AASS: variants seen among roughly 807,000 people sequenced by gnomAD.
AASS encodes aminoadipate-semialdehyde synthase.
In AASS, 86 loss-of-function variants were observed where a neutral mutation model predicts 105.4. That is an observed-to-expected ratio of 0.82 (90% CI 0.69 to 0.98). AASS has a LOEUF of 0.98. Among genes scored for constraint, AASS ranks in the 50% least tolerant of loss-of-function variants. The pLI is 0.00. For synonymous variants in AASS, 381 were observed against 394.8 expected (o/e 0.96, Z 0.41); for missense variants, 1,048 against 1,143.2 (o/e 0.92, Z 1.20).
chr7:122,098,370 G>A (rs985599813), intron 15 of AASS, 80 bp downstream of exon 15: 14 of 1,532,048 alleles, frequency 9.1e-6, no homozygotes, highest in Non-Finnish European at 1.3e-5. Flanking sequence ...AGTATGAAGA[G>A]AGGAGAAGTG....
At chr7:122,127,023 G>A (rs1795687126) in intron 3 of AASS, among the ~76,000 whole-genome samples, 1 of 152,082 alleles carries the variant, frequency 6.6e-6, no homozygotes, top group African/African-American at 2.4e-5. Flanking sequence ...TCTCTCTCAA[G>A]TCCAAGCACA....
intron 1 of AASS, among the ~76,000 whole-genome samples, chr7:122,141,741 T>C (rs142986098): frequency 3.8e-4 from 56 of 148,948 alleles, no homozygotes; most frequent in South Asian, 1.1e-3. Flanking sequence ...TATAGTACAG[T>C]ATAGTGGGAA....
At chr7:122,088,936 T>A (rs1793764426) in intron 18 of AASS, among the ~76,000 whole-genome samples, 1 of 152,006 alleles carries the variant, frequency 6.6e-6, no homozygotes, top group Non-Finnish European at 1.5e-5. Flanking sequence ...TTGTTAGGAA[T>A]CAAATTAGAA....
chr7:122,091,901 T>A (rs1401272691), intron 17 of AASS, 58 bp from the exon 18 acceptor site: 3 of 1,257,594 alleles, frequency 2.4e-6, no homozygotes, highest in Non-Finnish European at 3.4e-6. Context: ...AATGTCTAAG[T>A]AATTAATTGA....
At chr7:122,120,864 T>C (rs1584880294) in intron 4 of AASS, among the ~76,000 whole-genome samples, 1 of 152,044 alleles carries the variant, frequency 6.6e-6, no homozygotes, top group Non-Finnish European at 1.5e-5. Flanking sequence ...TTTCCAAATA[T>C]CTTTCTATAA....
Position 122,076,544 on chromosome 7 carries a change from T to C in AASS, c.2726A>G (p.Glu909Gly). The C allele has an allele frequency of 1.2e-6, 2 of 1,613,954 alleles. No individual in the cohort carries two copies. Among genetic ancestry groups the C allele is most frequent in the Non-Finnish European group, 1.7e-6 (2 of 1,179,830 alleles). ...TATAATGCCTTCTGCTTTAATTCGC[T>C]CCAATATTGGTCCATAGATCTCCTT... ...FSKEIYGPIL[E>G]RIKAEGIIYT... Residue 909 changes from glutamate (E) to glycine (G), a missense_variant, in exon 24 of 24, where the codon GAG becomes GGG. By Grantham distance (98) the Glu-to-Gly change is moderately conservative. Transcript: ENST00000417368.
Position 122,113,632 on chromosome 7 carries a change from T to C in AASS, c.1132A>G (p.Met378Val), listed in dbSNP as rs1795034860. Residue 378 changes from methionine (M) to valine (V), a missense_variant, in exon 10 of 24, where the codon ATG becomes GTG. Physicochemically the swap from Met to Val is conservative, Grantham distance 21. Coordinates refer to ENST00000417368, the MANE Select transcript of AASS (RefSeq NM_005763.4). Reference sequence around the variant, plus strand: ...ATAATATGCTGGTCTGCATCATACATGCAAAAGGGATGCTCTATTGTTGTA... The same window carrying C: ...ATAATATGCTGGTCTGCATCATACACGCAAAAGGGATGCTCTATTGTTGTA... The part of the protein sequence containing the change: ...ECTTIEHPFC[M>V]YDADQHIIHD... The C allele has an allele frequency of 5.6e-6, 9 of 1,613,660 alleles. No individual in the cohort carries two copies. The highest frequency in any genetic ancestry group is 1.6e-4 in the Middle Eastern group (1 of 6,082).
intron 23 of AASS, among the ~76,000 whole-genome samples, chr7:122,077,133 T>C (rs896217347): frequency 1.3e-5 from 2 of 152,202 alleles, no homozygotes; most frequent in Non-Finnish European, 2.9e-5. Flanking sequence ...GTCATTTAAT[T>C]TGACATTAGC....
Position 122,076,532 on chromosome 7 carries a change from G to C in AASS, c.2738C>G (p.Ala913Gly). 6.2e-7 allele frequency: 1 copy of C among 1,613,832 alleles called. No homozygotes were observed. The highest frequency in any genetic ancestry group is 8.5e-7 in the Non-Finnish European group (1 of 1,179,760). Residue 913 changes from alanine (A) to glycine (G), a missense_variant, in exon 24 of 24, where the codon GCA (alanine) becomes GGA (glycine). Transcript: ENST00000417368. Reference protein sequence around the residue: ...IYGPILERIKAEGIIYTTQST... With the variant: ...IYGPILERIKGEGIIYTTQST... ...CTGTGTAGTATATATAATGCCTTCTGCTTTAATTCGCTCCAATATTGGTCC... is the reference window on the plus strand; with the variant it reads ...CTGTGTAGTATATATAATGCCTTCTCCTTTAATTCGCTCCAATATTGGTCC...
At chr7:122,090,777 T>A (rs573106004) in intron 18 of AASS, among the ~76,000 whole-genome samples, 16 of 152,228 alleles carry the variant, frequency 1.1e-4, no homozygotes, top group African/African-American at 3.6e-4. Flanking sequence ...TCACTTGCCA[T>A]CTCTTTAAGT....
At chr7:122,132,529 T>C (rs535879511) in intron 2 of AASS, among the ~76,000 whole-genome samples, 2 of 152,272 alleles carry the variant, frequency 1.3e-5, no homozygotes, top group Admixed American at 6.5e-5. Context: ...CAAAGGGTGA[T>C]ATAGACTTTA....
At position 122,079,748 on chromosome 7, in the gene AASS, C is replaced by G. The variant is rs755774395; in HGVS notation, c.2281-36G>C. ...AAAGAAATACAATATTTCTAAGTCC[C>G]TAACAAATTTTTTTTTAATTGACTG... On this transcript the variant is annotated intron_variant, in intron 20 of 23. Transcript: ENST00000417368. The G allele has an allele frequency of 2.6e-6, 4 of 1,512,740 alleles. No individual in the cohort carries two copies. In the South Asian group the frequency reaches 3.4e-5, roughly 13 times the overall value. The allele number at this position is 1,512,740 out of a possible 1,614,324, so 93.7% of individuals were successfully genotyped here. A position where few individuals can be genotyped will look rare whatever the true frequency, so the allele number is the denominator to read the frequency against.
At chr7:122,108,898 T>C (rs543957715) in intron 11 of AASS, among the ~76,000 whole-genome samples, 5 of 152,212 alleles carry the variant, frequency 3.3e-5, no homozygotes, top group Admixed American at 1.3e-4. Flanking sequence ...CGAAATCTTA[T>C]ATATAGAAAA....
At chr7:122,098,310 T>A in intron 15 of AASS, 140 bp downstream of exon 15, 1 of 821,756 alleles carries the variant, frequency 1.2e-6, no homozygotes, top group Non-Finnish European at 1.9e-6. Flanking sequence ...ATACTTATGA[T>A]TTGTGCACCT....
Position 122,075,951 on chromosome 7 carries a change from T to C in AASS, c.*538A>G, listed in dbSNP as rs747448060. 6.5e-6 allele frequency: 1 copy of C among 152,820 alleles called. No homozygotes were observed. Among genetic ancestry groups the C allele is most frequent in the African/African-American group, 2.4e-5 (1 of 41,436 alleles). The allele number at this position is 152,820 out of a possible 1,614,324, so 9.5% of individuals were successfully genotyped here. ...TTCATTTGCTGGTTATAAGACAATA[T>C]GTTCATTTAAGAAAAAAGTGGACAT... is the stretch of plus-strand genomic sequence containing the variant. On this transcript the variant is annotated 3_prime_UTR_variant, in exon 24 of 24. Transcript: ENST00000417368.
chr7:122,087,686 A>T (rs1793692120), intron 18 of AASS, among the ~76,000 whole-genome samples: 1 of 152,170 alleles, frequency 6.6e-6, no homozygotes, highest in Non-Finnish European at 1.5e-5. Context: ...ACACAGCAAG[A>T]CACCATCTCT....
intron 19 of AASS, among the ~76,000 whole-genome samples, chr7:122,084,314 C>T (rs2150510726): frequency 6.6e-6 from 1 of 152,202 alleles, no homozygotes. Context: ...GGAGTACAAG[C>T]ACCTGCTCTC....
At chr7:122,137,706 G>A (rs1451077219) in intron 1 of AASS, among the ~76,000 whole-genome samples, 1 of 152,206 alleles carries the variant, frequency 6.6e-6, no homozygotes, top group South Asian at 2.1e-4. Context: ...TTTCTGAATT[G>A]CACTGCAGGT....
chr7:122,076,415 T>C lies in AASS; in HGVS notation c.*74A>G. 1 of 995,050 alleles carries C rather than the reference T, an allele frequency of 1.0e-6. No homozygotes were observed. Among genetic ancestry groups the C allele is most frequent in the Non-Finnish European group, 1.6e-6 (1 of 616,780 alleles). 61.6% of individuals were successfully genotyped at this position (995,050 alleles called of 1,614,324 possible). Reference sequence around the variant, plus strand: ...TGCTTTATACTTTAAAACAGCACATTAGCAAACCCATTTATCACACACATG... The same window carrying C: ...TGCTTTATACTTTAAAACAGCACATCAGCAAACCCATTTATCACACACATG... On this transcript the variant is annotated 3_prime_UTR_variant, in exon 24 of 24. Coordinates refer to ENST00000417368, the MANE Select transcript of AASS (RefSeq NM_005763.4).
Sources: gnomAD v4.1 joint callset for allele counts (sites outside exome capture counted in the v4.1 genomes callset) on GRCh38, gnomAD v4.1.1 for gene constraint, MANE v1.5 for transcripts, NCBI Gene and HGNC (gene_info 2026-07-23, HGNC 2026-07-21) for gene names.